The following SYNE1 variants were observed in gnomAD, a reference collection of about 807,000 sequenced individuals.
SYNE1 encodes nesprin-1.
A neutral mutation model predicts 1,111.0 loss-of-function variants in SYNE1; 616 were observed. That is an observed-to-expected ratio of 0.55 (90% confidence interval 0.52 to 0.59). The LOEUF (loss-of-function observed/expected upper bound fraction) is 0.59. Ranked by LOEUF, SYNE1 falls within the 20% of genes least tolerant of loss-of-function variation. SYNE1 has a pLI of 0.00. For synonymous variants in SYNE1, 3,855 were observed against 3,825.8 expected (o/e 1.01, Z -0.28); for missense variants, 10,006 against 10,417.0 (o/e 0.96, Z 1.72).
chr6:152,425,731 T>C (rs1001171425), intron 38 of SYNE1, among the ~76,000 whole-genome samples, 184 bp from the exon 39 acceptor site: 8 of 152,248 alleles, frequency 5.3e-5, no homozygotes, highest in Non-Finnish European at 7.3e-5. Flanking sequence ...TAAAGGAATT[T>C]GGTTCATCCA....
At chr6:152,285,296 C>T (rs888396450) in intron 95 of SYNE1, among the ~76,000 whole-genome samples, 1 of 152,142 alleles carries the variant, frequency 6.6e-6, no homozygotes, top group Non-Finnish European at 1.5e-5. Flanking sequence ...TCCCCACTGC[C>T]CCCACCTGAA....
At position 152,391,580 on chromosome 6, in the gene SYNE1, G is replaced by GAAAA. The variant is rs756232172; in HGVS notation, c.7713-16_7713-13dup. The GAAAA allele has an allele frequency of 2.6e-3, 3,460 of 1,334,958 alleles. 89 individuals are homozygous for GAAAA. Among genetic ancestry groups the GAAAA allele is most frequent in the East Asian group, 1.0e-2 (359 of 35,926 alleles). 82.7% of individuals were successfully genotyped at this position (1,334,958 alleles called of 1,614,324 possible). A position where few individuals can be genotyped will look rare whatever the true frequency, so the allele number is the denominator to read the frequency against. ...TATCAAGAGACTCTCTGAAAAAAAGGAAAAAAAAAAAAAAGAAAAAAAATT... is the reference window on the plus strand; with the variant it reads ...TATCAAGAGACTCTCTGAAAAAAAGGAAAAAAAAAAAAAAAAAAGAAAAAAAATT... On this transcript the variant is annotated splice_polypyrimidine_tract_variant and intron_variant, in intron 51 of 145. Coordinates refer to ENST00000367255, the MANE Select transcript of SYNE1 (RefSeq NM_182961.4).
chr6:152,270,381 A>G (rs1438635718), intron 98 of SYNE1, among the ~76,000 whole-genome samples: 1 of 152,122 alleles, frequency 6.6e-6, no homozygotes, highest in South Asian at 2.1e-4. Flanking sequence ...ATCTCTGAAA[A>G]AGTACCCTTC....
intron 121 of SYNE1, among the ~76,000 whole-genome samples, chr6:152,216,830 C>T (rs576787620): frequency 3.0e-4 from 45 of 152,162 alleles, no homozygotes; most frequent in African/African-American, 7.9e-4. Context: ...CCAAGGAGGG[C>T]GGATCACAAG....
chr6:152,190,479 A>G (rs1248180553), intron 127 of SYNE1, among the ~76,000 whole-genome samples: 1 of 152,204 alleles, frequency 6.6e-6, no homozygotes, highest in Non-Finnish European at 1.5e-5. Context: ...GTGGGTACAT[A>G]GTAGGTGTAC....
intron 39 of SYNE1, 29 bp from the exon 40 acceptor site, chr6:152,419,751 T>C: frequency 6.2e-7 from 1 of 1,612,268 alleles, no homozygotes; most frequent in South Asian, 1.1e-5. Context: ...AAAGTTAAAA[T>C]GTCCCATAAG....
At chr6:152,189,923 CA>C (rs2071731625) in intron 127 of SYNE1, among the ~76,000 whole-genome samples, 1 of 152,286 alleles carries the variant, frequency 6.6e-6, no homozygotes, top group South Asian at 2.1e-4. Flanking sequence ...CTTCCTTTTA[CA>C]AAAGTTTCCT....
intron 130 of SYNE1, among the ~76,000 whole-genome samples, chr6:152,171,785 G>T (rs2065271142): frequency 6.6e-6 from 1 of 152,112 alleles, no homozygotes; most frequent in African/African-American, 2.4e-5. Flanking sequence ...AAAATTTTGT[G>T]GGAGCACTGC....
At chr6:152,236,424 A>C in intron 109 of SYNE1, 121 bp from the exon 110 acceptor site, 1 of 734,440 alleles carries the variant, frequency 1.4e-6, no homozygotes, top group East Asian at 2.7e-5. Flanking sequence ...AACTATACTC[A>C]CTCAAGTAAC....
At chr6:152,483,867 C>A (rs1444758463) in intron 13 of SYNE1, among the ~76,000 whole-genome samples, 1 of 150,638 alleles carries the variant, frequency 6.6e-6, no homozygotes, top group East Asian at 2.0e-4. Context: ...TAGGAACTAG[C>A]CTATTCTTTA....
At chr6:152,164,820 T>C (rs1209598658) in intron 130 of SYNE1, among the ~76,000 whole-genome samples, 1 of 152,186 alleles carries the variant, frequency 6.6e-6, no homozygotes, top group Admixed American at 6.5e-5. Flanking sequence ...GAGTCTCGCC[T>C]TTTGGTTCAG....
chr6:152,433,773 A>G (rs749740001), intron 34 of SYNE1, 22 bp downstream of exon 34: 1 of 1,613,478 alleles, frequency 6.2e-7, no homozygotes, highest in Non-Finnish European at 8.5e-7. Flanking sequence ...TGGATTATAA[A>G]TATAATGTGT....
At chr6:152,425,678 G>T in intron 38 of SYNE1, 131 bp from the exon 39 acceptor site, 1 of 1,040,572 alleles carries the variant, frequency 9.6e-7, no homozygotes. Context: ...AGGCTGAAGA[G>T]AGTTTTTATT....
intron 85 of SYNE1, among the ~76,000 whole-genome samples, chr6:152,318,513 G>A (rs953360524): frequency 6.6e-6 from 1 of 152,178 alleles, no homozygotes; most frequent in African/African-American, 2.4e-5. Context: ...ACCCAAAAAG[G>A]ATTAGAGTCC....
chr6:152,321,665 T>C (rs1472271363), intron 83 of SYNE1, 56 bp downstream of exon 83: 4 of 1,603,620 alleles, frequency 2.5e-6, no homozygotes, highest in African/African-American at 1.3e-5. Context: ...TCAACTAAAA[T>C]CAGGGCAATT....
In SYNE1 at chr6:152,321,873, C is replaced by G; in HGVS notation, c.15931G>C (p.Val5311Leu). The change falls in exon 83 of 146, where the codon GTG becomes CTG. Residue 5311 changes from valine to leucine, a missense_variant. Physicochemically the swap from Val to Leu is conservative, Grantham distance 32 (BLOSUM62 1). Coordinates refer to ENST00000367255, the MANE Select transcript of SYNE1 (RefSeq NM_182961.4). ...QDRCLNMQEK[V>L]KTNGKLVKQE... ...TTCACCAACTTTCCATTAGTCTTCA[C>G]TTTCTCCTGCATGCTTCAGAAACAT... The G allele has an allele frequency of 6.2e-7, 1 of 1,614,058 alleles. No homozygotes were observed. The highest frequency in any genetic ancestry group is 1.3e-5 in the African/African-American group (1 of 75,038).
intron 3 of SYNE1, among the ~76,000 whole-genome samples, chr6:152,543,052 A>G (rs2099279379): frequency 6.6e-6 from 1 of 152,084 alleles, no homozygotes; most frequent in African/African-American, 2.4e-5. Context: ...ATGATATATT[A>G]CTTCTTAATA....
chr6:152,465,917 A>G (rs540438041), intron 17 of SYNE1, 65 bp downstream of exon 17: 590 of 1,166,818 alleles, frequency 5.1e-4, no homozygotes, highest in Non-Finnish European at 7.0e-4. Context: ...CTGATCAGAT[A>G]GAAACCTGCA....
Position 152,310,829 on chromosome 6 carries a change from T to C in SYNE1, c.16755A>G (p.Ala5585=), listed in dbSNP as rs201383409. The change falls in exon 88 of 146, where the codon GCA becomes GCG. Residue 5585 remains alanine, a synonymous_variant. Coordinates refer to ENST00000367255, the MANE Select transcript of SYNE1 (RefSeq NM_182961.4). ...TGAGGTACTGTAATTTCTCAGTCAT[T>C]GCTTCCAGCTCACTGTCAATTTCTT... ...ESKEIDSELE[A]MTEKLQYLTS... The C allele has an allele frequency of 8.1e-6, 13 of 1,614,134 alleles. No homozygotes were observed. In the African/African-American group the frequency reaches 1.3e-4, roughly 17 times the overall value.
Sources: gnomAD v4.1 joint callset for allele counts (sites outside exome capture counted in the v4.1 genomes callset) on GRCh38, gnomAD v4.1.1 for gene constraint, MANE v1.5 for transcripts, NCBI Gene and HGNC (gene_info 2026-07-23, HGNC 2026-07-21) for gene names.